CCDC30: variants seen among roughly 807,000 people sequenced by gnomAD.
CCDC30 encodes coiled-coil domain containing 30.
A neutral mutation model predicts 100.2 loss-of-function variants in CCDC30; 70 were observed. That is an observed-to-expected ratio of 0.70 (90% confidence interval 0.58 to 0.85). The LOEUF (loss-of-function observed/expected upper bound fraction) is 0.85, where lower values mean the gene tolerates loss of function less well. Among genes scored for constraint, CCDC30 ranks in the 40% least tolerant of loss-of-function variants. The probability of loss-of-function intolerance (pLI) is 0.00; values close to 1 mark genes in which losing one functional copy is unlikely to be tolerated. For missense variants in CCDC30, 652 were observed against 771.2 expected (o/e 0.85, Z 1.83); for synonymous variants, 233 against 269.5 (o/e 0.86, Z 1.33).
chr1:42,499,957 T>C (rs1315877689), intron 6 of CCDC30, among the ~76,000 whole-genome samples: 1 of 152,166 alleles, frequency 6.6e-6, no homozygotes, highest in Non-Finnish European at 1.5e-5. Context: ...CCACCCCACT[T>C]CTTCTACCCC....
At chr1:42,538,948 G>C (rs1644960608) in intron 6 of CCDC30, among the ~76,000 whole-genome samples, 1 of 152,196 alleles carries the variant, frequency 6.6e-6, no homozygotes. Context: ...ACCTGTGAAT[G>C]ATAGAAACTA....
At chr1:42,562,271 G>C (rs533341242) in intron 6 of CCDC30, among the ~76,000 whole-genome samples, 27 of 152,146 alleles carry the variant, frequency 1.8e-4, no homozygotes, top group African/African-American at 6.0e-4. Context: ...TAGACCAATG[G>C]AGCAGAACAG....
At chr1:42,625,831 A>G (rs866148400) in intron 11 of CCDC30, among the ~76,000 whole-genome samples, 3 of 152,128 alleles carry the variant, frequency 2.0e-5, no homozygotes, top group Non-Finnish European at 4.4e-5. Flanking sequence ...TTCTACAGCC[A>G]TTGGATGAAA....
upstream of CCDC30, chr1:42,459,962 G>A: frequency 6.5e-7 from 1 of 1,542,656 alleles, no homozygotes; most frequent in African/African-American, 1.4e-5. Context: ...AATTGTTCAG[G>A]GCTCTTAGAG....
chr1:42,508,519 C>T (rs771116463), intron 6 of CCDC30, among the ~76,000 whole-genome samples: 1 of 152,200 alleles, frequency 6.6e-6, no homozygotes, highest in Non-Finnish European at 1.5e-5. Context: ...ACACAAAGCC[C>T]TCTCATAATG....
chr1:42,587,143 G>T (rs755719401), intron 9 of CCDC30, among the ~76,000 whole-genome samples: 6 of 152,152 alleles, frequency 3.9e-5, no homozygotes, highest in Non-Finnish European at 8.8e-5. Flanking sequence ...GACTACAGGC[G>T]CATGCCACCA....
intron 6 of CCDC30, among the ~76,000 whole-genome samples, chr1:42,562,683 G>A (rs575547232): frequency 2.0e-5 from 3 of 152,218 alleles, no homozygotes; most frequent in African/African-American, 7.2e-5. Flanking sequence ...CTAGAGAATG[G>A]GGGAAAAATT....
At chr1:42,560,344 A>G (rs1645460803) in intron 6 of CCDC30, among the ~76,000 whole-genome samples, 1 of 152,004 alleles carries the variant, frequency 6.6e-6, no homozygotes, top group Non-Finnish European at 1.5e-5. Flanking sequence ...AAATCAATGA[A>G]TCCTGGAGCT....
At chr1:42,639,910 G>A (rs1188258541) in intron 12 of CCDC30, among the ~76,000 whole-genome samples, 3 of 149,898 alleles carry the variant, frequency 2.0e-5, no homozygotes, top group Non-Finnish European at 4.4e-5. Context: ...AAGTTGCAGT[G>A]AGCCAAGATT....
At chr1:42,464,294 C>G (rs1423209832) in intron 1 of CCDC30, 1 of 152,118 alleles carries the variant, frequency 6.6e-6, no homozygotes, top group Non-Finnish European at 1.5e-5. Flanking sequence ...CAGTATTGGA[C>G]CCATTTCAGG....
intron 6 of CCDC30, among the ~76,000 whole-genome samples, chr1:42,554,268 A>G (rs931555516): frequency 3.5e-5 from 5 of 142,052 alleles, no homozygotes; most frequent in Non-Finnish European, 7.6e-5. Flanking sequence ...TGGACATTTT[A>G]TGGCTTCTTT....
chr1:42,642,017 A>C (rs1197889903), intron 12 of CCDC30, among the ~76,000 whole-genome samples: 1 of 152,138 alleles, frequency 6.6e-6, no homozygotes, highest in Non-Finnish European at 1.5e-5. Context: ...CAAGGTCAGG[A>C]GATCGAGACC....
intron 5 of CCDC30, 72 bp downstream of exon 5, chr1:42,497,285 G>A (rs1441035889): frequency 1.1e-5 from 10 of 882,662 alleles, no homozygotes; most frequent in Middle Eastern, 2.5e-4. Context: ...AAGCAACACA[G>A]GTATACAACA....
chr1:42,472,977 A>T, intron 1 of CCDC30: 1 of 605,242 alleles, frequency 1.7e-6, no homozygotes, highest in African/African-American at 1.9e-5. Flanking sequence ...ATGAAGGTTC[A>T]GGTAGCTTAC....
At chr1:42,524,516 A>G (rs1644694705) in intron 6 of CCDC30, among the ~76,000 whole-genome samples, 1 of 152,194 alleles carries the variant, frequency 6.6e-6, no homozygotes, top group Non-Finnish European at 1.5e-5. Flanking sequence ...GCTTGCAACA[A>G]TGGGTGGAGG....
intron 6 of CCDC30, among the ~76,000 whole-genome samples, chr1:42,545,967 T>C (rs1446777972): frequency 2.0e-5 from 3 of 151,198 alleles, no homozygotes; most frequent in Non-Finnish European, 4.4e-5. Flanking sequence ...ATAATAATAA[T>C]AATTTAATAT....
At chr1:42,632,184 A>G (rs560171956) in intron 11 of CCDC30, among the ~76,000 whole-genome samples, 13 of 152,262 alleles carry the variant, frequency 8.5e-5, no homozygotes, top group Non-Finnish European at 1.5e-4. Context: ...TTCAGTTAGC[A>G]GATGATGAAT....
In CCDC30 at chr1:42,495,385, T is replaced by C. The variant is rs534853612; in HGVS notation, c.242-1713T>C. ...GTGGGGAGAGAGGGGAGGGATAGCA[T>C]TGGGAGATATACCTAATGCTAGATG... On this transcript the variant is annotated intron_variant, in intron 4 of 16. Coordinates refer to ENST00000668663, the Ensembl canonical transcript of CCDC30. Among the ~76,000 whole-genome samples the C allele has an allele frequency of 2.2e-3, 339 of 152,104 alleles. 2 individuals are homozygous for C. The highest frequency in any genetic ancestry group is 3.3e-3 in the Non-Finnish European group (225 of 68,002).
At chr1:42,461,067 C>A (rs528458285), upstream of CCDC30, among the ~76,000 whole-genome samples, 35 of 152,282 alleles carry the variant, frequency 2.3e-4, no homozygotes, top group African/African-American at 8.2e-4. Context: ...AGTCCAGGTG[C>A]AATTTGAAAA....
Sources: allele counts gnomAD v4.1 joint callset (sites outside exome capture counted in the v4.1 genomes callset), GRCh38; gene constraint gnomAD v4.1.1; transcripts MANE v1.5; gene names NCBI Gene and HGNC (gene_info 2026-07-23, HGNC 2026-07-21).